PUM1: variants seen among roughly 807,000 people sequenced by gnomAD.
The protein encoded by PUM1 is pumilio homolog 1.
In PUM1, 13 loss-of-function variants were observed where a neutral mutation model predicts 131.8. The observed-to-expected ratio is 0.10, with a 90% CI of 0.06 to 0.16. PUM1 has a LOEUF of 0.16. Among genes scored for constraint, PUM1 ranks in the 10% least tolerant of loss-of-function variants. PUM1 has a pLI of 1.00. For missense variants in PUM1, 961 were observed against 1,512.4 expected, an observed-to-expected ratio of 0.64 and a Z score of 6.05; for synonymous variants, 509 against 556.5, an observed-to-expected ratio of 0.91 and a Z score of 1.20.
At chr1:31,024,945 A>G (rs1643168893) in intron 3 of PUM1, among the ~76,000 whole-genome samples, 2 of 152,214 alleles carry the variant, frequency 1.3e-5, no homozygotes, top group African/African-American at 4.8e-5. Context: ...CGATTAGCAG[A>G]CTGATCTCTT....
At chr1:30,984,844 T>A (rs1641485670) in intron 7 of PUM1, among the ~76,000 whole-genome samples, 1 of 152,180 alleles carries the variant, frequency 6.6e-6, no homozygotes, top group Admixed American at 6.5e-5. Flanking sequence ...ACATAAAAAA[T>A]TATGGCTTTT....
chr1:31,027,024 A>C (rs1643249331), intron 3 of PUM1, among the ~76,000 whole-genome samples: 1 of 152,140 alleles, frequency 6.6e-6, no homozygotes. Flanking sequence ...CTTGTCATTT[A>C]AATAAACTTT....
rs1172990809 is a variant in PUM1, at chr1:30,933,015, T to C, written c.*196A>G. On this transcript the variant is annotated 3_prime_UTR_variant, in exon 22 of 22. Coordinates refer to ENST00000426105, the MANE Select transcript of PUM1 (RefSeq NM_001020658.2). ...TTAGTCAATTAAAAAAAATAGTACA[T>C]GTTATGTGTAATAAAATTAAATTTA... The C allele has an allele frequency of 1.7e-6, 1 of 581,866 alleles. No individual in the cohort carries two copies. The highest frequency in any genetic ancestry group is 2.9e-6 in the Non-Finnish European group (1 of 349,592). The allele number at this position is 581,866 out of a possible 1,614,324, so 36.0% of individuals were successfully genotyped here.
intron 5 of PUM1, among the ~76,000 whole-genome samples, chr1:31,003,946 A>C (rs545911848): frequency 1.3e-5 from 2 of 152,334 alleles, no homozygotes; most frequent in South Asian, 4.1e-4. Flanking sequence ...AAGCTGGAAC[A>C]CAGATTTGGA....
intron 5 of PUM1, among the ~76,000 whole-genome samples, chr1:30,996,434 C>T (rs1006217991): frequency 1.3e-5 from 2 of 152,216 alleles, no homozygotes; most frequent in Admixed American, 1.3e-4. Flanking sequence ...CCAAAACCAA[C>T]AGATGCTCTT....
intron 5 of PUM1, among the ~76,000 whole-genome samples, chr1:31,004,015 C>T (rs1642310108): frequency 6.6e-6 from 1 of 152,206 alleles, no homozygotes; most frequent in Non-Finnish European, 1.5e-5. Context: ...ATGCATACCT[C>T]AGCAGCTCAG....
intron 2 of PUM1, among the ~76,000 whole-genome samples, chr1:31,038,988 T>A (rs374039551): frequency 0.18 from 5,869 of 33,062 alleles, 252 homozygotes; most frequent in South Asian, 0.24. Context: ...ATATATATTT[T>A]TTTTTTTTTT....
At position 30,941,049 on chromosome 1, in the gene PUM1, AAACAACAAC is replaced by A. The variant is rs3838989; in HGVS notation, c.3242+93_3242+101del. 3.8e-5 allele frequency: 51 copies of A among 1,347,078 alleles called. No homozygotes were observed. In the African/African-American group the frequency reaches 4.1e-4, roughly 11 times the overall value. The allele number at this position is 1,347,078 out of a possible 1,614,324, so 83.4% of individuals were successfully genotyped here. A position where few individuals can be genotyped will look rare whatever the true frequency, so the allele number is the denominator to read the frequency against. On this transcript the variant is annotated intron_variant, in intron 20 of 21. Coordinates refer to ENST00000426105, the MANE Select transcript of PUM1 (RefSeq NM_001020658.2). ...GACTTTTAAGCTATATATACTTTGAAAACAACAACAACAACAACAACATTAAAAAATAAG... is the reference window on the plus strand; with the variant it reads ...GACTTTTAAGCTATATATACTTTGAAAACAACAACAACATTAAAAAATAAG...
chr1:30,988,021 T>C (rs1180046902), intron 7 of PUM1, among the ~76,000 whole-genome samples: 1 of 152,186 alleles, frequency 6.6e-6, no homozygotes, highest in Non-Finnish European at 1.5e-5. Context: ...TAATTAACTT[T>C]GTTTTTAAAT....
intron 3 of PUM1, among the ~76,000 whole-genome samples, chr1:31,016,841 T>TA (rs1642836860): frequency 6.6e-6 from 1 of 152,244 alleles, no homozygotes; most frequent in Admixed American, 6.5e-5. Context: ...AAGCAAACTT[T>TA]AATCTGTTGC....
rs149285861 is a variant in PUM1 at position 30,964,656 on chromosome 1, T to C, written c.2323+18A>G. On this transcript the variant is annotated intron_variant, in intron 14 of 21. Coordinates refer to ENST00000426105, the MANE Select transcript of PUM1 (RefSeq NM_001020658.2). The stretch of plus-strand genomic sequence containing the variant: ...AGAGTTCTAGAGTTCAAGGTGGTGT[T>C]AGAGTAATGGTTCTTACCCAGGTTT... 9.6e-4 allele frequency: 1,514 copies of C among 1,580,608 alleles called. 8 individuals carry two copies. The highest frequency in any genetic ancestry group is 3.0e-3 in the Middle Eastern group (18 of 5,990).
At chr1:30,963,354 T>C (rs956508679) in intron 14 of PUM1, among the ~76,000 whole-genome samples, 1 of 152,216 alleles carries the variant, frequency 6.6e-6, no homozygotes, top group African/African-American at 2.4e-5. Flanking sequence ...TGTCTACCTA[T>C]TATGGACCTA....
chr1:31,014,316 A>C (rs1381835889), intron 3 of PUM1, among the ~76,000 whole-genome samples: 1 of 150,692 alleles, frequency 6.6e-6, no homozygotes, highest in African/African-American at 2.4e-5. Context: ...AAAAAAAAAA[A>C]AAAAAAATCT....
chr1:30,950,392 A>C (rs1570110250), intron 16 of PUM1, 131 bp from the exon 17 acceptor site: 1 of 884,140 alleles, frequency 1.1e-6, no homozygotes. Flanking sequence ...GATTAACTAA[A>C]CCTTTTATTT....
intron 3 of PUM1, among the ~76,000 whole-genome samples, chr1:31,017,840 TAAC>T (rs1642877284): frequency 6.6e-6 from 1 of 152,142 alleles, no homozygotes; most frequent in Non-Finnish European, 1.5e-5. Flanking sequence ...GCAACAGTAG[TAAC>T]ATTATAAAAT....
In PUM1 at chr1:30,985,003, C is replaced by T. The variant is rs146725044; in HGVS notation, c.1159-3598G>A. ...AGTTTGAGACTATATACATAGCAGA[C>T]AGGGGTTAAGAGCACTGACTCTGGA... is the stretch of plus-strand genomic sequence containing the variant. On this transcript the variant is annotated intron_variant, in intron 7 of 21. Coordinates refer to ENST00000426105, the MANE Select transcript of PUM1 (RefSeq NM_001020658.2). Among the ~76,000 whole-genome samples, 530 of 152,270 alleles carry T rather than the reference C, an allele frequency of 3.5e-3. 2 individuals carry two copies. The highest frequency in any genetic ancestry group is 0.012 in the African/African-American group (500 of 41,544).
chr1:31,028,718 T>G, intron 3 of PUM1, 78 bp downstream of exon 3: 2 of 1,136,264 alleles, frequency 1.8e-6, no homozygotes, highest in Non-Finnish European at 2.7e-6. Context: ...GAGACTAGAT[T>G]TGGACACATT....
intron 3 of PUM1, among the ~76,000 whole-genome samples, chr1:31,022,944 G>A (rs1027225005): frequency 6.6e-6 from 1 of 152,078 alleles, no homozygotes; most frequent in Non-Finnish European, 1.5e-5. Context: ...AGAGGCAGGT[G>A]GATCACTGGA....
intron 6 of PUM1, among the ~76,000 whole-genome samples, chr1:30,994,417 A>T (rs1280571301): frequency 6.6e-6 from 1 of 152,232 alleles, no homozygotes; most frequent in Non-Finnish European, 1.5e-5. Flanking sequence ...ATTGTGGAAG[A>T]TAAATATACA....
Sources: allele counts gnomAD v4.1 joint callset (sites outside exome capture counted in the v4.1 genomes callset), GRCh38; gene constraint gnomAD v4.1.1; transcripts MANE v1.5; gene names NCBI Gene and HGNC (gene_info 2026-07-23, HGNC 2026-07-21).